The following ADAMTS16 variants were observed in gnomAD, a reference collection of about 807,000 sequenced individuals.
The protein encoded by ADAMTS16 is ADAM metallopeptidase with thrombospondin type 1 motif 16, also known as A disintegrin and metalloproteinase with thrombospondin motifs 16.
Under a neutral mutation model 145.8 loss-of-function variants are expected in ADAMTS16, and 94 were observed. That is an observed-to-expected ratio of 0.64 (90% confidence interval 0.55 to 0.77). The LOEUF (loss-of-function observed/expected upper bound fraction) is 0.77, where lower values mean the gene tolerates loss of function less well. Among genes scored for constraint, ADAMTS16 ranks in the 30% least tolerant of loss-of-function variants. ADAMTS16 has a pLI of 0.00. For synonymous variants in ADAMTS16, 659 were observed against 604.3 expected (o/e 1.09, Z -1.33); for missense variants, 1,585 against 1,591.5 (o/e 1.00, Z 0.07).
chr5:5,280,097 C>G (rs1738847022), intron 18 of ADAMTS16, among the ~76,000 whole-genome samples: 1 of 151,734 alleles, frequency 6.6e-6, no homozygotes, highest in African/African-American at 2.4e-5. Context: ...GTAGATTTTG[C>G]TCCTTTTTTG....
At chr5:5,276,110 T>C (rs79063608) in intron 18 of ADAMTS16, among the ~76,000 whole-genome samples, 1 of 3,378 alleles carries the variant, frequency 3.0e-4, no homozygotes, top group Admixed American at 9.6e-3. Context: ...CCACCCATCT[T>C]GGCCTCCCAA....
chr5:5,232,113 T>C (rs1736943703), intron 11 of ADAMTS16, among the ~76,000 whole-genome samples: 1 of 152,104 alleles, frequency 6.6e-6, no homozygotes, highest in African/African-American at 2.4e-5. Flanking sequence ...TTCCGGGAGA[T>C]CAGACATTTG....
Position 5,318,035 on chromosome 5 carries a change from G to A in ADAMTS16, c.3412-99G>A, listed in dbSNP as rs1179869029. The A allele has an allele frequency of 3.2e-6, 4 of 1,245,244 alleles. No individual in the cohort carries two copies. In the East Asian group the frequency reaches 1.2e-4, roughly 39 times the overall value. The allele number at this position is 1,245,244 out of a possible 1,614,324, so 77.1% of individuals were successfully genotyped here. On this transcript the variant is annotated intron_variant, in intron 21 of 22. Transcript: ENST00000274181. ...CGACTAAGTCGCTCTTCCCTCACTG[G>A]CCTGCAGCAGCAGGCCTTTTAGAAA...
At chr5:5,144,482 C>T (rs1734244469) in intron 2 of ADAMTS16, among the ~76,000 whole-genome samples, 1 of 151,980 alleles carries the variant, frequency 6.6e-6, no homozygotes, top group African/African-American at 2.4e-5. Context: ...ATTTAGTTAC[C>T]AATTATCCGT....
chr5:5,281,757 T>C (rs973332019), intron 18 of ADAMTS16, among the ~76,000 whole-genome samples: 6 of 152,176 alleles, frequency 3.9e-5, no homozygotes, highest in Admixed American at 3.9e-4. Flanking sequence ...ACTACCCTAT[T>C]GGGTGGTTTA....
At chr5:5,276,860 A>G (rs73039122) in intron 18 of ADAMTS16, among the ~76,000 whole-genome samples, 10,462 of 134,796 alleles carry the variant, frequency 0.078, 721 homozygotes, top group African/African-American at 0.2. Flanking sequence ...AAGAAACAAA[A>G]CAAAATGAAG....
intron 3 of ADAMTS16, among the ~76,000 whole-genome samples, chr5:5,177,905 G>T (rs1185626873): frequency 6.6e-6 from 1 of 152,146 alleles, no homozygotes; most frequent in Non-Finnish European, 1.5e-5. Flanking sequence ...GCTTGGAACT[G>T]GTTCACTGGG....
At chr5:5,150,931 T>A (rs2126510883) in intron 3 of ADAMTS16, among the ~76,000 whole-genome samples, 1 of 152,356 alleles carries the variant, frequency 6.6e-6, no homozygotes, top group East Asian at 1.9e-4. Context: ...ATGTATATTT[T>A]GGTATCCATT....
intron 10 of ADAMTS16, among the ~76,000 whole-genome samples, chr5:5,220,692 A>G (rs998594360): frequency 1.2e-4 from 19 of 152,038 alleles, no homozygotes; most frequent in Non-Finnish European, 1.0e-4. Context: ...CACATTACCT[A>G]TAACCACTGC....
chr5:5,144,991 C>T (rs1734255853), intron 2 of ADAMTS16, among the ~76,000 whole-genome samples: 1 of 152,162 alleles, frequency 6.6e-6, no homozygotes, highest in African/African-American at 2.4e-5. Flanking sequence ...CTGTCCGTCT[C>T]CCCCAGCCTT....
Position 5,146,346 on chromosome 5 carries a change from C to A in ADAMTS16, c.392C>A (p.Thr131Lys). 2 of 1,614,216 alleles carry A rather than the reference C, an allele frequency of 1.2e-6. No individual in the cohort carries two copies. The highest frequency in any genetic ancestry group is 1.6e-4 in the Middle Eastern group (1 of 6,062). Reference protein sequence around the residue: ...PGFIVQTLGKTGTKSVQTLPP... With the variant: ...PGFIVQTLGKKGTKSVQTLPP... ...TTTATTGTGCAGACGTTGGGAAAGA[C>A]AGGCACTAAGTCTGTGCAGACTTTA... Residue 131 changes from threonine (T) to lysine (K), a missense_variant, in exon 3 of 23, where the codon ACA becomes AAA. By Grantham distance (78) the Thr-to-Lys change is moderately conservative (BLOSUM62 -1). Around this residue, in one of 3 missense-constraint regions of ADAMTS16, gnomAD observed 453 missense variants for 412.1 expected, o/e 1.10. Coordinates refer to ENST00000274181, the MANE Select transcript of ADAMTS16 (RefSeq NM_139056.4).
intron 18 of ADAMTS16, among the ~76,000 whole-genome samples, chr5:5,285,344 C>T (rs2126478668): frequency 6.6e-6 from 1 of 152,256 alleles, no homozygotes; most frequent in South Asian, 2.1e-4. Flanking sequence ...TGGCAGTGGC[C>T]ACACTCTCCC....
chr5:5,210,481 C>A (rs1454062013), intron 10 of ADAMTS16, among the ~76,000 whole-genome samples: 2 of 152,168 alleles, frequency 1.3e-5, no homozygotes, highest in African/African-American at 4.8e-5. Context: ...TCACATGTTA[C>A]TGGCATCTTA....
At chr5:5,163,756 A>C (rs1458020000) in intron 3 of ADAMTS16, among the ~76,000 whole-genome samples, 1 of 152,230 alleles carries the variant, frequency 6.6e-6, no homozygotes, top group Non-Finnish European at 1.5e-5. Context: ...CTTGCTTGAG[A>C]GTAAGGAAAT....
chr5:5,164,770 A>G (rs1215381643), intron 3 of ADAMTS16, among the ~76,000 whole-genome samples: 1 of 152,022 alleles, frequency 6.6e-6, no homozygotes, highest in African/African-American at 2.4e-5. Context: ...TCCACCTCCC[A>G]GGTTCACACC....
chr5:5,264,211 C>T (rs140001409), intron 18 of ADAMTS16, among the ~76,000 whole-genome samples: 5 of 152,200 alleles, frequency 3.3e-5, no homozygotes, highest in East Asian at 1.9e-4. Flanking sequence ...TGGAAGTTCT[C>T]GCTCTGGTCT....
chr5:5,242,064 G>A lies in ADAMTS16; in HGVS notation c.2535G>A (p.Gln845=). ...TTCTTATTTTGTAGCTGCTGTTTCAGGGAAGGAACCCGGGTGTTGCCTGGG... is the reference window on the plus strand; with the variant it reads ...TTCTTATTTTGTAGCTGCTGTTTCAAGGAAGGAACCCGGGTGTTGCCTGGG... ...NETLIVELLF[Q]GRNPGVAWEY... Residue 845 remains glutamine, a synonymous_variant, in exon 17 of 23, where the codon CAG becomes CAA. Coordinates refer to ENST00000274181, the MANE Select transcript of ADAMTS16 (RefSeq NM_139056.4). The A allele has an allele frequency of 1.2e-6, 2 of 1,614,040 alleles. No homozygotes were observed. Among genetic ancestry groups the A allele is most frequent in the Non-Finnish European group, 1.7e-6 (2 of 1,179,994 alleles).
intron 20 of ADAMTS16, among the ~76,000 whole-genome samples, chr5:5,304,327 C>T (rs1321782988): frequency 1.3e-5 from 2 of 152,128 alleles, no homozygotes; most frequent in African/African-American, 4.8e-5. Context: ...TGTCCTGGAG[C>T]CCTTCATCAT....
At chr5:5,245,481 T>A (rs901106056) in intron 17 of ADAMTS16, among the ~76,000 whole-genome samples, 14 of 152,232 alleles carry the variant, frequency 9.2e-5, no homozygotes, top group Admixed American at 6.5e-4. Flanking sequence ...AGATGGTATT[T>A]TCCTCTTATC....
Sources: allele counts gnomAD v4.1 joint callset (sites outside exome capture counted in the v4.1 genomes callset), GRCh38; gene constraint gnomAD v4.1.1; regional missense constraint gnomAD v4.1.1; transcripts MANE v1.5; gene names NCBI Gene and HGNC (gene_info 2026-07-23, HGNC 2026-07-21).